The following SLC26A9 variants were observed in gnomAD, a reference collection of about 807,000 sequenced individuals.
SLC26A9 encodes the protein solute carrier family 26 member 9.
Under a neutral mutation model 87.1 loss-of-function variants are expected in SLC26A9, and 46 were observed. The ratio of observed to expected loss-of-function variants is 0.53; its 90% confidence interval spans 0.42 to 0.67. The LOEUF is 0.67. Ranked by LOEUF, SLC26A9 falls within the 30% of genes least tolerant of loss-of-function variation. SLC26A9 has a pLI of 0.00. For synonymous variants in SLC26A9, 437 were observed against 409.1 expected (o/e 1.07, Z -0.82); for missense variants, 927 against 1,018.3 (o/e 0.91, Z 1.22).
chr1:205,915,200 G>A lies in SLC26A9; in HGVS notation c.*157C>T. 6.2e-7 allele frequency: 1 copy of A among 1,609,794 alleles called. No individual in the cohort carries two copies. ...AGGCTCTCTCTGGAGATGCGGGGAGGGAAGGAAGGGAGGAGAGAGGGGGAG... is the reference window on the plus strand; with the variant it reads ...AGGCTCTCTCTGGAGATGCGGGGAGAGAAGGAAGGGAGGAGAGAGGGGGAG... On this transcript the variant is annotated 3_prime_UTR_variant, in exon 21 of 21. Transcript: ENST00000367135.
chr1:205,929,757 C>T, intron 6 of SLC26A9, 135 bp downstream of exon 6: 2 of 1,159,770 alleles, frequency 1.7e-6, no homozygotes, highest in Admixed American at 2.9e-5. Context: ...GACAGAAACC[C>T]CCTCAGAATC....
At chr1:205,923,786 C>A (rs1658947464) in intron 13 of SLC26A9, among the ~76,000 whole-genome samples, 173 bp from the exon 14 acceptor site, 1 of 152,170 alleles carries the variant, frequency 6.6e-6, no homozygotes, top group African/African-American at 2.4e-5. Context: ...TGGCCTGTGG[C>A]CTCCTATAAC....
chr1:205,922,185 G>A (rs916373590), intron 16 of SLC26A9, among the ~76,000 whole-genome samples: 2 of 152,206 alleles, frequency 1.3e-5, no homozygotes, highest in Admixed American at 6.5e-5. Flanking sequence ...TGCCTAGGCT[G>A]GAGTGCAGTG....
At position 205,927,886 on chromosome 1, in the gene SLC26A9, G is replaced by T; in HGVS notation, c.1101+16C>A. On this transcript the variant is annotated intron_variant, in intron 9 of 20. Coordinates refer to ENST00000367135, the MANE Select transcript of SLC26A9 (RefSeq NM_052934.4). ...GACCTGTCCTGCCCAGTCCTGCCGG[G>T]GGTGGCCAGAGCTACCTGGTTCGAA... 3 of 1,612,544 alleles carry T rather than the reference G, an allele frequency of 1.9e-6. No homozygotes were observed. The highest frequency in any genetic ancestry group is 2.5e-6 in the Non-Finnish European group (3 of 1,179,032).
intron 4 of SLC26A9, 112 bp from the exon 5 acceptor site, chr1:205,932,147 C>A: frequency 7.9e-7 from 1 of 1,263,102 alleles, no homozygotes. Context: ...CCCTGCACCT[C>A]CAAGGCTCTT....
chr1:205,915,113 G>A lies in SLC26A9; in HGVS notation c.*244C>T, dbSNP rs571310113. ...TTGTCCATTGCGGCCAGGGCCTGAC[G>A]GGTGAAGAGTGGGCTCACCAGACTC... On this transcript the variant is annotated 3_prime_UTR_variant, in exon 21 of 21. Transcript: ENST00000367135. 27 of 1,613,888 alleles carry A rather than the reference G, an allele frequency of 1.7e-5. No individual in the cohort carries two copies. The highest frequency in any genetic ancestry group is 1.6e-4 in the South Asian group (15 of 91,038).
intron 12 of SLC26A9, among the ~76,000 whole-genome samples, chr1:205,926,287 C>T (rs1659063692): frequency 6.6e-6 from 1 of 152,116 alleles, no homozygotes; most frequent in Non-Finnish European, 1.5e-5. Context: ...TAACCATTTG[C>T]CCAGTTAAGA....
intron 5 of SLC26A9, chr1:205,930,258 G>T: frequency 2.3e-6 from 1 of 437,184 alleles, no homozygotes; most frequent in South Asian, 8.4e-5. Context: ...CTCCTTTAGA[G>T]CATGGGCCTT....
At chr1:205,932,654 T>A in intron 4 of SLC26A9, 48 bp downstream of exon 4, 2 of 1,464,684 alleles carry the variant, frequency 1.4e-6, no homozygotes, top group African/African-American at 2.8e-5. Context: ...ACACCTCCCA[T>A]CCTTGGGGTC....
intron 17 of SLC26A9, among the ~76,000 whole-genome samples, chr1:205,920,983 G>A (rs1424804701): frequency 1.3e-5 from 2 of 152,232 alleles, no homozygotes; most frequent in African/African-American, 4.8e-5. Flanking sequence ...CCTGGTTGAT[G>A]GTGAAGGCAG....
rs1049437028 is a variant in SLC26A9 at position 205,921,487 on chromosome 1, G to A, written c.2055+79C>T. The A allele has an allele frequency of 5.3e-6, 8 of 1,495,438 alleles. No homozygotes were observed. In the East Asian group the frequency reaches 7.3e-5, roughly 14 times the overall value. The allele number at this position is 1,495,438 out of a possible 1,614,324, so 92.6% of individuals were successfully genotyped here. A position where few individuals can be genotyped will look rare whatever the true frequency, so the allele number is the denominator to read the frequency against. On this transcript the variant is annotated intron_variant, in intron 17 of 20. Transcript: ENST00000367135. ...TTCCTCCCTCAGCTTCCTGAAATGA[G>A]GGCTCCCAGGAAAGGGAATGTGGAG...
intron 2 of SLC26A9, among the ~76,000 whole-genome samples, chr1:205,934,745 C>T (rs1659441197): frequency 6.6e-6 from 1 of 152,140 alleles, no homozygotes; most frequent in South Asian, 2.1e-4. Context: ...ACTTTGTGCC[C>T]TAAAGTCTTG....
At chr1:205,942,052 G>A (rs1174134986) in intron 1 of SLC26A9, among the ~76,000 whole-genome samples, 1 of 152,178 alleles carries the variant, frequency 6.6e-6, no homozygotes, top group African/African-American at 2.4e-5. Context: ...GTGTTGAGCT[G>A]GTCCTCGATT....
intron 5 of SLC26A9, 176 bp from the exon 6 acceptor site, chr1:205,930,232 G>A (rs1558126221): frequency 1.5e-5 from 8 of 545,140 alleles, no homozygotes; most frequent in Non-Finnish European, 2.4e-5. Context: ...CTACATGGCT[G>A]CCATCAGACC....
intron 16 of SLC26A9, among the ~76,000 whole-genome samples, chr1:205,922,353 G>A (rs1010046776): frequency 6.6e-6 from 1 of 152,170 alleles, no homozygotes; most frequent in Non-Finnish European, 1.5e-5. Flanking sequence ...TGGGCAGGCT[G>A]GTCTCGAACT....
chr1:205,935,371 C>A (rs1435832778), intron 2 of SLC26A9, among the ~76,000 whole-genome samples: 1 of 152,016 alleles, frequency 6.6e-6, no homozygotes, highest in Non-Finnish European at 1.5e-5. Flanking sequence ...ATGCTCCCCA[C>A]CCCTCCATAA....
intron 1 of SLC26A9, among the ~76,000 whole-genome samples, chr1:205,939,287 A>G (rs1437523587): frequency 1.3e-5 from 2 of 152,202 alleles, no homozygotes; most frequent in Non-Finnish European, 2.9e-5. Flanking sequence ...CCTTCCAGGG[A>G]CAAAGCTGAT....
chr1:205,930,287 T>C, intron 5 of SLC26A9: 2 of 379,200 alleles, frequency 5.3e-6, no homozygotes, highest in Non-Finnish European at 9.4e-6. Flanking sequence ...ATCACCTCTC[T>C]GGCTTTGGCT....
At chr1:205,942,065 C>T (rs1478121109) in intron 1 of SLC26A9, among the ~76,000 whole-genome samples, 2 of 152,200 alleles carry the variant, frequency 1.3e-5, no homozygotes, top group Admixed American at 6.5e-5. Flanking sequence ...CCTCGATTCC[C>T]CCAGCAAGTT....
Sources: allele counts gnomAD v4.1 joint callset (sites outside exome capture counted in the v4.1 genomes callset), GRCh38; gene constraint gnomAD v4.1.1; transcripts MANE v1.5; gene names NCBI Gene and HGNC (gene_info 2026-07-23, HGNC 2026-07-21).